Variants in COL6A5 observed in about 807,000 individuals in gnomAD.
The protein encoded by COL6A5 is collagen type VI alpha 5 chain, also known as collagen alpha-5(VI) chain.
COL6A5 carries 48 observed loss-of-function variants against 65.6 expected under a neutral mutation model. The observed-to-expected ratio is 0.73, with a 90% confidence interval of 0.58 to 0.93. The LOEUF is 0.93. Ranked by LOEUF, COL6A5 falls within the 40% of genes least tolerant of loss-of-function variation. COL6A5 has a pLI of 0.00. For missense variants in COL6A5, 914 were observed against 928.3 expected (o/e 0.98, Z 0.20); for synonymous variants, 291 against 322.8 (o/e 0.90, Z 1.05).
At chr3:130,465,276 C>G (rs1478062861) in intron 5 of COL6A5, among the ~76,000 whole-genome samples, 1 of 152,032 alleles carries the variant, frequency 6.6e-6, no homozygotes, top group Non-Finnish European at 1.5e-5. Context: ...AGAGGGATAA[C>G]TGTACAGAGA....
intron 3 of COL6A5, among the ~76,000 whole-genome samples, 186 bp from the exon 4 acceptor site, chr3:130,379,232 T>C (rs1418782135): frequency 2.0e-5 from 3 of 152,244 alleles, no homozygotes; most frequent in Non-Finnish European, 4.4e-5. Flanking sequence ...GGAAAGCTTT[T>C]GAAGTCAACG....
chr3:130,418,792 C>T (rs1422897400), intron 24 of COL6A5, 77 bp from the exon 25 acceptor site: 9 of 1,132,796 alleles, frequency 7.9e-6, no homozygotes, highest in African/African-American at 3.1e-5. Context: ...GTCTCCTCAT[C>T]GAGTGGACAG....
chr3:130,377,082 C>A (rs1361057730), intron 3 of COL6A5, among the ~76,000 whole-genome samples: 8 of 152,154 alleles, frequency 5.3e-5, no homozygotes, highest in Non-Finnish European at 1.2e-4. Context: ...TAAATCTCAT[C>A]CCTACATTCT....
intron 1 of COL6A5, among the ~76,000 whole-genome samples, chr3:130,436,709 T>C (rs903877242): frequency 7.9e-5 from 12 of 152,190 alleles, no homozygotes; most frequent in African/African-American, 2.9e-4. Context: ...TGACTTTTAG[T>C]ATACCTCATC....
chr3:130,401,149 G>A (rs1457177135), exon 11 of COL6A5: 12 of 1,543,372 alleles, frequency 7.8e-6, no homozygotes, highest in African/African-American at 1.4e-5. Flanking sequence ...TGAGAGAACT[G>A]GGCAAAAAAC....
intron 1 of COL6A5, among the ~76,000 whole-genome samples, chr3:130,363,733 A>G (rs956554808): frequency 6.6e-5 from 10 of 152,342 alleles, no homozygotes; most frequent in East Asian, 5.8e-4. Flanking sequence ...AAACTTAACG[A>G]AAGTGTGGGT....
chr3:130,447,829 T>A (rs1198233217), intron 4 of COL6A5, among the ~76,000 whole-genome samples: 1 of 43,070 alleles, frequency 2.3e-5, no homozygotes, highest in Non-Finnish European at 1.1e-4. Flanking sequence ...AGGACCCATA[T>A]AACGGCATTG....
intron 4 of COL6A5, among the ~76,000 whole-genome samples, chr3:130,452,491 G>A (rs1709467869): frequency 6.6e-6 from 1 of 152,146 alleles, no homozygotes; most frequent in South Asian, 2.1e-4. Context: ...TGCCCCACAA[G>A]CCGCAAAACC....
intron 7 of COL6A5, among the ~76,000 whole-genome samples, chr3:130,482,442 C>T (rs1710274669): frequency 6.6e-6 from 1 of 152,186 alleles, no homozygotes; most frequent in Admixed American, 6.5e-5. Flanking sequence ...GTTTTGGTTA[C>T]TGTAGCCTTG....
intron 1 of COL6A5, among the ~76,000 whole-genome samples, chr3:130,371,629 C>T (rs764826803): frequency 3.3e-5 from 5 of 151,390 alleles, no homozygotes; most frequent in South Asian, 4.1e-4. Context: ...TATCCACATA[C>T]GAAAGAGTGA....
intron 5 of COL6A5, among the ~76,000 whole-genome samples, chr3:130,465,891 T>C (rs1214909030): frequency 6.6e-6 from 1 of 152,054 alleles, no homozygotes; most frequent in Non-Finnish European, 1.5e-5. Context: ...TTGAAAACCA[T>C]TGTGTCTAAG....
At chr3:130,375,223 T>C (rs1935720726) in intron 2 of COL6A5, among the ~76,000 whole-genome samples, 1 of 152,128 alleles carries the variant, frequency 6.6e-6, no homozygotes, top group Admixed American at 6.5e-5. Context: ...AGGGGAACTG[T>C]TCTCAGTTTT....
intron 12 of COL6A5, among the ~76,000 whole-genome samples, chr3:130,403,039 A>G (rs1559882306): frequency 1.3e-5 from 2 of 151,926 alleles, no homozygotes; most frequent in African/African-American, 4.8e-5. Flanking sequence ...CAGAAGCACA[A>G]CCCCCCTGGT....
chr3:130,453,714 C>T (rs1276268837), intron 4 of COL6A5, among the ~76,000 whole-genome samples: 1 of 152,116 alleles, frequency 6.6e-6, no homozygotes, highest in East Asian at 1.9e-4. Flanking sequence ...GCTTAGATCC[C>T]TGACTATAGC....
At chr3:130,354,963 TTAA>T (rs1324290482) in intron 1 of COL6A5, among the ~76,000 whole-genome samples, 7 of 149,304 alleles carry the variant, frequency 4.7e-5, no homozygotes, top group Admixed American at 4.6e-4. Context: ...AAATATCTCA[TTAA>T]TAATTTTTAT....
At chr3:130,354,026 AAGAG>A (rs778711888) in intron 1 of COL6A5, among the ~76,000 whole-genome samples, 1 of 151,958 alleles carries the variant, frequency 6.6e-6, no homozygotes, top group Non-Finnish European at 1.5e-5. Flanking sequence ...GAAGAAAAGA[AAGAG>A]AGAAGTAGAG....
intron 24 of COL6A5, 65 bp from the exon 25 acceptor site, chr3:130,418,804 A>G: frequency 7.6e-7 from 1 of 1,317,332 alleles, no homozygotes; most frequent in Non-Finnish European, 1.1e-6. Context: ...AGTGGACAGA[A>G]CTTACCGTGG....
chr3:130,364,516 T>C (rs1935259489), intron 1 of COL6A5, among the ~76,000 whole-genome samples: 1 of 152,018 alleles, frequency 6.6e-6, no homozygotes, highest in Non-Finnish European at 1.5e-5. Context: ...TAAAAAATGG[T>C]GATGGTGATG....
At chr3:130,418,882 T>G (rs180682166) in exon 25 of COL6A5, 1 of 1,550,794 alleles carries the variant, frequency 6.4e-7, no homozygotes, top group African/African-American at 1.4e-5. Context: ...GAGCCTGGAC[T>G]TCCTGGAGAT....
Sources: allele counts gnomAD v4.1 joint callset (sites outside exome capture counted in the v4.1 genomes callset), GRCh38; gene constraint gnomAD v4.1.1; transcripts MANE v1.5; gene names NCBI Gene and HGNC (gene_info 2026-07-23, HGNC 2026-07-21).